The following DENND1A variants were observed in gnomAD, a reference collection of about 807,000 sequenced individuals.
The protein encoded by DENND1A is DENN domain containing 1A, also known as DENN domain-containing protein 1A.
Under a neutral mutation model 113.7 loss-of-function variants are expected in DENND1A, and 51 were observed. The ratio of observed to expected loss-of-function variants is 0.45; its 90% CI spans 0.36 to 0.57. DENND1A has a LOEUF of 0.57. Ranked by LOEUF, DENND1A falls within the 20% of genes least tolerant of loss-of-function variation. DENND1A has a pLI of 0.00. For missense variants in DENND1A, 1,258 were observed against 1,395.9 expected (o/e 0.90, Z 1.57); for synonymous variants, 565 against 570.8 (o/e 0.99, Z 0.14).
Position 123,586,406 on chromosome 9 carries a change from C to T in DENND1A, c.766-3136G>A, listed in dbSNP as rs966215294. Among the ~76,000 whole-genome samples, 27 of 152,280 alleles carry T rather than the reference C, an allele frequency of 1.8e-4. 1 individual carries two copies. The highest frequency in any genetic ancestry group is 1.4e-3 in the East Asian group (7 of 5,180). ...TCCCACTCCTGGCTGGAGGACTTGC[C>T]GGTTAAGCTCTGTGGAGTGTTTACT... On this transcript the variant is annotated intron_variant, in intron 11 of 23. Coordinates refer to ENST00000394215, the MANE Select transcript of DENND1A (RefSeq NM_001352964.2).
intron 2 of DENND1A, among the ~76,000 whole-genome samples, chr9:123,847,848 T>C (rs1842822635): frequency 6.6e-6 from 1 of 152,230 alleles, no homozygotes; most frequent in African/African-American, 2.4e-5. Flanking sequence ...GGCAGGAGAA[T>C]TGTTTGAACC....
chr9:123,846,396 G>A (rs1842621292), intron 2 of DENND1A, among the ~76,000 whole-genome samples: 1 of 152,334 alleles, frequency 6.6e-6, no homozygotes, highest in Non-Finnish European at 1.5e-5. Context: ...AACAATGAAT[G>A]ACATTGTTGA....
intron 1 of DENND1A, among the ~76,000 whole-genome samples, chr9:123,929,556 G>A (rs927714990): frequency 3.3e-5 from 5 of 152,076 alleles, no homozygotes; most frequent in Non-Finnish European, 7.4e-5. Context: ...GGTGCTTCCG[G>A]GGCTTTCCCA....
rs544880981 is a variant in DENND1A at position 123,403,362 on chromosome 9, C to T, written c.1631+40G>A. 3 of 1,607,060 alleles carry T rather than the reference C, an allele frequency of 1.9e-6. 1 individual carries two copies. The African/African-American group carries it at 4.0e-5, about 21-fold the overall frequency. The stretch of plus-strand genomic sequence containing the variant: ...TCGCAAAGTGCTGGCTCCGCAGACA[C>T]AGGGTTCTTACAGACAGAGGGGAGA... On this transcript the variant is annotated intron_variant, in intron 21 of 23. Coordinates refer to ENST00000394215, the MANE Select transcript of DENND1A (RefSeq NM_001352964.2).
chr9:123,403,310 C>A, intron 21 of DENND1A, 92 bp downstream of exon 21: 2 of 1,362,256 alleles, frequency 1.5e-6, no homozygotes, highest in South Asian at 2.5e-5. Context: ...GGAAGCCTCA[C>A]AAAGGCCGGG....
At chr9:123,846,812 T>A (rs1842685062) in intron 2 of DENND1A, among the ~76,000 whole-genome samples, 1 of 152,216 alleles carries the variant, frequency 6.6e-6, no homozygotes. Flanking sequence ...ACATAATTAA[T>A]ACCACTAAAT....
At chr9:123,917,992 TA>T (rs986598624) in intron 1 of DENND1A, among the ~76,000 whole-genome samples, 40 of 150,298 alleles carry the variant, frequency 2.7e-4, no homozygotes, top group Non-Finnish European at 4.6e-4. Flanking sequence ...CGGGCACCTG[TA>T]GTCCCAGCTA....
chr9:123,432,334 GGAA>G (rs1446181914), intron 19 of DENND1A, among the ~76,000 whole-genome samples: 1 of 152,236 alleles, frequency 6.6e-6, no homozygotes, highest in Non-Finnish European at 1.5e-5. Flanking sequence ...GAGTGCACGT[GGAA>G]AGACAGGCCT....
At chr9:123,443,693 G>T (rs971087408) in intron 18 of DENND1A, among the ~76,000 whole-genome samples, 1 of 152,246 alleles carries the variant, frequency 6.6e-6, no homozygotes, top group Non-Finnish European at 1.5e-5. Context: ...GGAGGCTCAC[G>T]CCGGTAATCC....
intron 2 of DENND1A, among the ~76,000 whole-genome samples, chr9:123,873,753 T>C (rs922364284): frequency 2.2e-4 from 34 of 152,102 alleles, no homozygotes; most frequent in African/African-American, 8.2e-4. Context: ...CTCTCTTTTT[T>C]TTTTTTTGAG....
intron 5 of DENND1A, among the ~76,000 whole-genome samples, chr9:123,725,860 G>A (rs1313859965): frequency 6.6e-6 from 1 of 152,228 alleles, no homozygotes; most frequent in African/African-American, 2.4e-5. Context: ...ATATCTTCCT[G>A]AGGAAATACC....
At chr9:123,818,793 A>G (rs552510571) in intron 2 of DENND1A, among the ~76,000 whole-genome samples, 86 of 152,264 alleles carry the variant, frequency 5.6e-4, no homozygotes, top group African/African-American at 1.9e-3. Context: ...AGCATTTTGG[A>G]GCATTTTGGA....
intron 13 of DENND1A, among the ~76,000 whole-genome samples, chr9:123,497,692 T>C (rs2052056154): frequency 6.6e-6 from 1 of 151,912 alleles, no homozygotes; most frequent in Non-Finnish European, 1.5e-5. Flanking sequence ...AGAAGAGCCT[T>C]ATGAGCATTA....
At chr9:123,688,644 T>C (rs544222268) in intron 5 of DENND1A, among the ~76,000 whole-genome samples, 1 of 152,206 alleles carries the variant, frequency 6.6e-6, no homozygotes, top group African/African-American at 2.4e-5. Flanking sequence ...CAGCATGAAA[T>C]AGGCAGGTTT....
chr9:123,888,820 C>A (rs373543558), intron 1 of DENND1A, among the ~76,000 whole-genome samples: 1 of 152,094 alleles, frequency 6.6e-6, no homozygotes, highest in African/African-American at 2.4e-5. Context: ...TAGGATTAGA[C>A]GTAGTAACAA....
intron 2 of DENND1A, among the ~76,000 whole-genome samples, chr9:123,840,237 TA>T (rs1265548821): frequency 6.6e-6 from 1 of 152,104 alleles, no homozygotes; most frequent in East Asian, 1.9e-4. Context: ...CATTAAAATG[TA>T]AAGTTAATGA....
At chr9:123,593,366 A>T (rs945157148) in intron 11 of DENND1A, among the ~76,000 whole-genome samples, 5 of 152,204 alleles carry the variant, frequency 3.3e-5, no homozygotes, top group African/African-American at 1.2e-4. Flanking sequence ...TGACGCCTAA[A>T]GCCAGTAAGC....
At chr9:123,556,964 C>T (rs551324013) in intron 13 of DENND1A, among the ~76,000 whole-genome samples, 1 of 152,198 alleles carries the variant, frequency 6.6e-6, no homozygotes, top group Admixed American at 6.5e-5. Flanking sequence ...GATAAGTCAA[C>T]GAGGCCCAGA....
intron 13 of DENND1A, among the ~76,000 whole-genome samples, chr9:123,484,196 T>C: frequency 6.6e-6 from 1 of 152,200 alleles, no homozygotes; most frequent in East Asian, 1.9e-4. Flanking sequence ...TATTATCTTC[T>C]ATCTAGCAGG....
Sources: gnomAD v4.1 joint callset for allele counts (sites outside exome capture counted in the v4.1 genomes callset) on GRCh38, gnomAD v4.1.1 for gene constraint, MANE v1.5 for transcripts, NCBI Gene and HGNC (gene_info 2026-07-23, HGNC 2026-07-21) for gene names.